NXPE4: variants seen among roughly 807,000 people sequenced by gnomAD.
NXPE4 encodes the protein NXPE family member 4.
Under a neutral mutation model 33.3 loss-of-function variants are expected in NXPE4, and 42 were observed. The ratio of observed to expected loss-of-function variants is 1.26; its 90% confidence interval spans 0.98 to 1.63. NXPE4 has a LOEUF of 1.63. Ranked by LOEUF, NXPE4 falls within the 40% of genes most tolerant of loss-of-function variation. NXPE4 has a pLI of 0.00. For missense variants in NXPE4, 709 were observed against 647.6 expected, an observed-to-expected ratio of 1.09 and a Z score of -1.03; for synonymous variants, 253 against 234.9, an observed-to-expected ratio of 1.08 and a Z score of -0.71.
At chr11:114,631,468 A>G in the NXPE4 span, among the ~76,000 whole-genome samples, 1 of 146,004 alleles carries the variant, frequency 6.8e-6, no homozygotes, top group African/African-American at 2.5e-5. Flanking sequence ...GTGGGAACTG[A>G]AAAATGAGAA....
the NXPE4 span, among the ~76,000 whole-genome samples, chr11:114,610,390 T>C: frequency 1.3e-5 from 2 of 151,978 alleles, no homozygotes; most frequent in African/African-American, 2.4e-5. Context: ...GCCTCGTGGG[T>C]AACCACTGTT....
the NXPE4 span, among the ~76,000 whole-genome samples, chr11:114,614,972 C>T: frequency 1.3e-5 from 2 of 149,858 alleles, no homozygotes; most frequent in South Asian, 4.3e-4. Flanking sequence ...ATAAGTATTG[C>T]CTCGTGAGTA....
At chr11:114,604,518 T>C in the NXPE4 span, among the ~76,000 whole-genome samples, 1 of 152,058 alleles carries the variant, frequency 6.6e-6, no homozygotes, top group South Asian at 2.1e-4. Context: ...GTAACCACTG[T>C]TACCTGGTAA....
At chr11:114,646,887 T>C in the NXPE4 span, among the ~76,000 whole-genome samples, 1 of 152,158 alleles carries the variant, frequency 6.6e-6, no homozygotes, top group Non-Finnish European at 1.5e-5. Flanking sequence ...AGGAACTTGA[T>C]AGAAGCAAGG....
chr11:114,630,816 C>T, the NXPE4 span, among the ~76,000 whole-genome samples: 1 of 151,778 alleles, frequency 6.6e-6, no homozygotes, highest in Non-Finnish European at 1.5e-5. Flanking sequence ...TGAACTCAAA[C>T]AAATTTACAA....
the NXPE4 span, among the ~76,000 whole-genome samples, chr11:114,663,586 CATCT>C: frequency 0.025 from 3,369 of 132,928 alleles, 54 homozygotes; most frequent in African/African-American, 0.048. Context: ...CTCTATCTAT[CATCT>C]ATCTATCTAT....
chr11:114,655,597 C>T, the NXPE4 span, among the ~76,000 whole-genome samples: 1 of 152,172 alleles, frequency 6.6e-6, no homozygotes, highest in Non-Finnish European at 1.5e-5. Flanking sequence ...TTCCCCATTG[C>T]TTGTTTTTGT....
chr11:114,672,120 G>C, the NXPE4 span, among the ~76,000 whole-genome samples: 1 of 151,912 alleles, frequency 6.6e-6, no homozygotes, highest in East Asian at 1.9e-4. Flanking sequence ...TCTAGTACAA[G>C]AACAGCAAGG....
At chr11:114,631,256 A>T in the NXPE4 span, among the ~76,000 whole-genome samples, 7 of 151,834 alleles carry the variant, frequency 4.6e-5, no homozygotes, top group Non-Finnish European at 5.9e-5. Context: ...CACAATAGCA[A>T]AGACTTGGAA....
the NXPE4 span, among the ~76,000 whole-genome samples, chr11:114,632,760 T>TATATTATATAATTATATATCAC: frequency 1.8e-3 from 18 of 10,092 alleles, no homozygotes; most frequent in African/African-American, 7.8e-3. Context: ...TAATATATCA[T>TATATTATATAATTATATATCAC]ATATTATATA....
the NXPE4 span, among the ~76,000 whole-genome samples, chr11:114,673,118 A>G: frequency 6.7e-6 from 1 of 149,108 alleles, no homozygotes; most frequent in African/African-American, 2.4e-5. Flanking sequence ...AATTGAAATC[A>G]TGCGAAGTAT....
At chr11:114,629,857 A>G in the NXPE4 span, among the ~76,000 whole-genome samples, 5 of 150,430 alleles carry the variant, frequency 3.3e-5, no homozygotes, top group African/African-American at 9.8e-5. Context: ...AAAAATCACA[A>G]CCATTCTTAT....
the NXPE4 span, among the ~76,000 whole-genome samples, chr11:114,665,917 T>A: frequency 6.6e-6 from 1 of 152,168 alleles, no homozygotes; most frequent in Admixed American, 6.6e-5. Context: ...CCATGACAAA[T>A]CTGTGTGCAG....
the NXPE4 span, among the ~76,000 whole-genome samples, chr11:114,609,298 A>G: frequency 6.6e-6 from 1 of 151,216 alleles, no homozygotes; most frequent in South Asian, 2.1e-4. Flanking sequence ...CCGGTGGATA[A>G]TAAGTATTGC....
chr11:114,663,540 C>A, the NXPE4 span, among the ~76,000 whole-genome samples: 4 of 151,554 alleles, frequency 2.6e-5, no homozygotes, highest in African/African-American at 9.8e-5. Flanking sequence ...GGTCACCAGG[C>A]CCCTTCACCA....
intron 2 of NXPE4, among the ~76,000 whole-genome samples, chr11:114,587,465 A>C (rs1949332035): frequency 1.3e-5 from 2 of 152,240 alleles, no homozygotes; most frequent in South Asian, 4.1e-4. Context: ...AGTCTCTCTC[A>C]AGATCCATCT....
chr11:114,632,367 T>G, the NXPE4 span, among the ~76,000 whole-genome samples: 3 of 134,330 alleles, frequency 2.2e-5, no homozygotes, highest in African/African-American at 8.1e-5. Context: ...TATTATATAT[T>G]ACATATAGTT....
At chr11:114,656,418 A>G in the NXPE4 span, among the ~76,000 whole-genome samples, 6 of 152,204 alleles carry the variant, frequency 3.9e-5, no homozygotes, top group Non-Finnish European at 7.3e-5. Flanking sequence ...TCACAGAATT[A>G]GAAAAAACTA....
At chr11:114,604,802 G>A in the NXPE4 span, among the ~76,000 whole-genome samples, 90 of 152,112 alleles carry the variant, frequency 5.9e-4, no homozygotes, top group Non-Finnish European at 9.0e-4. Flanking sequence ...TGCCTCGCGG[G>A]TAACCACTGT....
Sources: gnomAD v4.1 joint callset for allele counts (sites outside exome capture counted in the v4.1 genomes callset) on GRCh38, gnomAD v4.1.1 for gene constraint, MANE v1.5 for transcripts, NCBI Gene and HGNC (gene_info 2026-07-23, HGNC 2026-07-21) for gene names.